C12orf42: variants seen among roughly 807,000 people sequenced by gnomAD.
The protein encoded by C12orf42 is uncharacterized protein C12orf42.
In C12orf42, 25 loss-of-function variants were observed where a neutral mutation model predicts 21.6. That is an observed-to-expected ratio of 1.16 (90% CI 0.84 to 1.62). The LOEUF is 1.62. Ranked by LOEUF, C12orf42 falls within the 40% of genes most tolerant of loss-of-function variation. The probability of loss-of-function intolerance (pLI) is 0.00; values close to 1 mark genes in which losing one functional copy is unlikely to be tolerated. For synonymous variants in C12orf42, 174 were observed against 175.0 expected (o/e 0.99, Z 0.05); for missense variants, 483 against 459.3 (o/e 1.05, Z -0.47).
exon 7 of C12orf42, chr12:103,268,850 T>C (rs960831685): frequency 3.3e-5 from 5 of 152,198 alleles, no homozygotes; most frequent in African/African-American, 1.2e-4. Flanking sequence ...TCTTTTATCA[T>C]GGATAACTCT....
At chr12:103,400,961 A>C (rs977882306) in intron 3 of C12orf42, among the ~76,000 whole-genome samples, 4 of 152,134 alleles carry the variant, frequency 2.6e-5, no homozygotes, top group Non-Finnish European at 5.9e-5. Flanking sequence ...TGTTGGCTGA[A>C]AGGTTCTTTT....
chr12:103,426,915 T>C (rs1470552079), intron 2 of C12orf42, among the ~76,000 whole-genome samples: 2 of 152,092 alleles, frequency 1.3e-5, no homozygotes, highest in Non-Finnish European at 2.9e-5. Context: ...TGCTGAGAGA[T>C]TTTGTTACCA....
chr12:103,322,344 T>C (rs944837426), intron 4 of C12orf42, among the ~76,000 whole-genome samples: 1 of 152,160 alleles, frequency 6.6e-6, no homozygotes, highest in African/African-American at 2.4e-5. Flanking sequence ...ATTAGACTCC[T>C]TTGATGGATT....
intron 2 of C12orf42, among the ~76,000 whole-genome samples, chr12:103,424,236 T>C (rs1329230763): frequency 1.3e-5 from 2 of 152,258 alleles, no homozygotes; most frequent in Non-Finnish European, 2.9e-5. Flanking sequence ...AATGAGCTAA[T>C]GAATCTACGA....
chr12:103,134,729 A>G, the C12orf42 span, among the ~76,000 whole-genome samples: 1 of 152,236 alleles, frequency 6.6e-6, no homozygotes, highest in Non-Finnish European at 1.5e-5. Context: ...CCAAGTCTAG[A>G]AATACATTTA....
chr12:103,253,986 T>C (rs1005011585), intron 10 of C12orf42, among the ~76,000 whole-genome samples: 5 of 152,228 alleles, frequency 3.3e-5, no homozygotes, highest in African/African-American at 1.2e-4. Context: ...TTTAATTAGA[T>C]ACCATTTGTC....
At chr12:103,459,778 G>C (rs1952564008) in intron 2 of C12orf42, among the ~76,000 whole-genome samples, 1 of 152,154 alleles carries the variant, frequency 6.6e-6, no homozygotes, top group African/African-American at 2.4e-5. Context: ...AATTAACAAG[G>C]TCTTTATGTG....
At chr12:103,233,094 T>C (rs1436303622), downstream of C12orf42, among the ~76,000 whole-genome samples, 3 of 152,212 alleles carry the variant, frequency 2.0e-5, no homozygotes, top group African/African-American at 7.2e-5. Flanking sequence ...CTCTGCTCCA[T>C]TGAGTTGCCC....
chr12:103,118,546 C>T, the C12orf42 span, among the ~76,000 whole-genome samples: 4 of 152,010 alleles, frequency 2.6e-5, no homozygotes, highest in African/African-American at 7.2e-5. Context: ...TGCCTGTAAT[C>T]CCAGCACTTT....
downstream of C12orf42, among the ~76,000 whole-genome samples, chr12:103,300,245 C>A (rs2037558665): frequency 6.6e-6 from 1 of 152,122 alleles, no homozygotes; most frequent in Admixed American, 6.6e-5. Context: ...GGTTGCTAGA[C>A]ATTGGGTTAA....
intron 3 of C12orf42, among the ~76,000 whole-genome samples, chr12:103,370,235 G>C (rs552555850): frequency 1.3e-5 from 2 of 152,216 alleles, no homozygotes; most frequent in South Asian, 4.1e-4. Context: ...AATAACAGAT[G>C]CAAGATTGCA....
In C12orf42 at chr12:103,302,183, G is replaced by A. The variant is rs200236535; in HGVS notation, c.1008C>T (p.Pro336=). The A allele has an allele frequency of 2.9e-5, 46 of 1,612,826 alleles. No homozygotes were observed. The highest frequency in any genetic ancestry group is 3.7e-5 in the Non-Finnish European group (44 of 1,179,426). ...CCGTATGGAAACGCCGGGTTGGGCGGGGGGGTGCTGAGGAGCAAACCTTTA... is the reference window on the plus strand; with the variant it reads ...CCGTATGGAAACGCCGGGTTGGGCGAGGGGGTGCTGAGGAGCAAACCTTTA... ...RLIKVCSSAP[P]RPTRRFHTVC... is the part of the protein sequence containing the mutation. The change falls in exon 6 of 6, where the codon CCC becomes CCT. Residue 336 remains proline (P), a synonymous_variant. Transcript: ENST00000548883.
At chr12:103,255,101 G>A (rs1052674973) in intron 10 of C12orf42, among the ~76,000 whole-genome samples, 1 of 152,104 alleles carries the variant, frequency 6.6e-6, no homozygotes, top group Non-Finnish European at 1.5e-5. Context: ...GGCCGGGCAT[G>A]ATGGCTCACA....
chr12:103,301,850 C>A, downstream of C12orf42: 1 of 445,576 alleles, frequency 2.2e-6, no homozygotes, highest in East Asian at 4.0e-5. Context: ...CGCGATGTAC[C>A]CCATCCCTAT....
At position 103,425,493 on chromosome 12, in the gene C12orf42, G is replaced by A. The variant is rs1427216301; in HGVS notation, c.79-23818C>T. 2.0e-5 allele frequency among the ~76,000 whole-genome samples: 3 copies of A among 152,318 alleles called. No homozygotes were observed. In the East Asian group the frequency reaches 5.8e-4, roughly 29 times the overall value. On this transcript the variant is annotated intron_variant, in intron 2 of 5. Transcript: ENST00000548883. ...AGACAAGCTTCCAGAGGAAGGAACA[G>A]GCAGCAATCTTTGCTGTTCTGCAGC...
At chr12:103,154,025 C>CAAA in the C12orf42 span, among the ~76,000 whole-genome samples, 1,538 of 51,210 alleles carry the variant, frequency 0.03, 91 homozygotes, top group Non-Finnish European at 0.035. Context: ...CAAATCTCAG[C>CAAA]AAAAAAAAAA....
the C12orf42 span, among the ~76,000 whole-genome samples, chr12:103,537,684 C>T: frequency 6.6e-6 from 1 of 152,192 alleles, no homozygotes; most frequent in Non-Finnish European, 1.5e-5. Flanking sequence ...GGACTGACCT[C>T]ATTCTCCTTG....
At chr12:103,428,323 G>A (rs184203243) in intron 2 of C12orf42, among the ~76,000 whole-genome samples, 1 of 152,242 alleles carries the variant, frequency 6.6e-6, no homozygotes, top group East Asian at 1.9e-4. Flanking sequence ...AACTACATCA[G>A]AGAATACTAT....
intron 10 of C12orf42, among the ~76,000 whole-genome samples, chr12:103,250,746 C>G (rs1361275601): frequency 6.6e-6 from 1 of 152,052 alleles, no homozygotes; most frequent in African/African-American, 2.4e-5. Context: ...TTCTCCAATG[C>G]CACTTTTTCT....
Sources: allele counts gnomAD v4.1 joint callset (sites outside exome capture counted in the v4.1 genomes callset), GRCh38; gene constraint gnomAD v4.1.1; transcripts MANE v1.5; gene names NCBI Gene and HGNC (gene_info 2026-07-23, HGNC 2026-07-21).